Variants in NPTN observed in about 807,000 individuals in gnomAD.
NPTN encodes SDR-1.
In NPTN, 5 loss-of-function variants were observed where a neutral mutation model predicts 42.7. The ratio of observed to expected loss-of-function variants is 0.12; its 90% CI spans 0.06 to 0.25. NPTN has a LOEUF of 0.25. Among genes scored for constraint, NPTN ranks in the 10% least tolerant of loss-of-function variants. NPTN has a pLI of 1.00. For synonymous variants in NPTN, 180 were observed against 201.9 expected (o/e 0.89, Z 0.92); for missense variants, 307 against 525.4 (o/e 0.58, Z 4.06).
At chr15:73,594,100 A>G (rs1896722955) in intron 2 of NPTN, among the ~76,000 whole-genome samples, 1 of 152,266 alleles carries the variant, frequency 6.6e-6, no homozygotes, top group South Asian at 2.1e-4. Flanking sequence ...AATTAAAAAA[A>G]TATAAAGGCA....
intron 3 of NPTN, among the ~76,000 whole-genome samples, chr15:73,589,416 T>C (rs1896481901): frequency 6.6e-6 from 1 of 152,124 alleles, no homozygotes; most frequent in African/African-American, 2.4e-5. Context: ...CCAAACAAGC[T>C]TTCTTGCCCC....
intron 1 of NPTN, among the ~76,000 whole-genome samples, chr15:73,627,516 T>C (rs893491225): frequency 6.6e-6 from 1 of 152,184 alleles, no homozygotes; most frequent in African/African-American, 2.4e-5. Context: ...GAATATTAAA[T>C]GTCTCCCCTA....
chr15:73,567,726 A>G, intron 6 of NPTN: 1 of 985,472 alleles, frequency 1.0e-6, no homozygotes, highest in Non-Finnish European at 1.2e-6. Context: ...ACAGAGGAGA[A>G]AAACAGAATG....
intron 6 of NPTN, chr15:73,567,281 A>G: frequency 1.0e-6 from 1 of 985,386 alleles, no homozygotes; most frequent in Non-Finnish European, 1.2e-6. Flanking sequence ...TATCTTGATA[A>G]TAAAGTGCTA....
intron 4 of NPTN, among the ~76,000 whole-genome samples, chr15:73,585,986 G>A (rs556312266): frequency 1.4e-4 from 22 of 152,322 alleles, no homozygotes; most frequent in African/African-American, 5.1e-4. Flanking sequence ...TTCGTAAGCA[G>A]CCAAACAAAT....
chr15:73,601,479 TCAG>T (rs879581984), intron 1 of NPTN, among the ~76,000 whole-genome samples: 2 of 152,166 alleles, frequency 1.3e-5, no homozygotes, highest in Non-Finnish European at 2.9e-5. Flanking sequence ...GAACTGGCTC[TCAG>T]CAGCAGCAGC....
chr15:73,568,383 A>G (rs1175312419), intron 6 of NPTN: 2 of 985,300 alleles, frequency 2.0e-6, no homozygotes, highest in Non-Finnish European at 2.4e-6. Context: ...CAACCTTTCC[A>G]AAAGGCAGGC....
chr15:73,578,213 G>A (rs1039879137), intron 4 of NPTN, among the ~76,000 whole-genome samples: 4 of 152,188 alleles, frequency 2.6e-5, no homozygotes, highest in Non-Finnish European at 5.9e-5. Context: ...TGAGTCAGCC[G>A]GGAAGCCACT....
intron 1 of NPTN, among the ~76,000 whole-genome samples, chr15:73,619,678 T>C (rs889144058): frequency 6.6e-6 from 1 of 152,212 alleles, no homozygotes; most frequent in Non-Finnish European, 1.5e-5. Context: ...TCCTAAATGG[T>C]AAATAAGTTG....
intron 4 of NPTN, among the ~76,000 whole-genome samples, chr15:73,577,635 T>C (rs1352151721): frequency 6.6e-6 from 1 of 152,140 alleles, no homozygotes; most frequent in Non-Finnish European, 1.5e-5. Context: ...GAAATTATGG[T>C]TTAGGAGTCA....
intron 1 of NPTN, among the ~76,000 whole-genome samples, chr15:73,602,211 C>T (rs972655874): frequency 6.6e-6 from 1 of 152,092 alleles, no homozygotes; most frequent in East Asian, 1.9e-4. Flanking sequence ...CTAACTTTCT[C>T]TCTCCCTCAA....
At chr15:73,626,040 G>C (rs1898387091) in intron 1 of NPTN, among the ~76,000 whole-genome samples, 1 of 152,148 alleles carries the variant, frequency 6.6e-6, no homozygotes, top group South Asian at 2.1e-4. Flanking sequence ...CGACTATAAT[G>C]GACGGATTTC....
chr15:73,567,884 G>A (rs1895125186), intron 6 of NPTN: 9 of 985,334 alleles, frequency 9.1e-6, no homozygotes, highest in South Asian at 4.7e-5. Context: ...CGAAGTAAAC[G>A]CTGCTTTCAT....
At chr15:73,595,684 T>C (rs1333604812) in intron 2 of NPTN, among the ~76,000 whole-genome samples, 1 of 152,230 alleles carries the variant, frequency 6.6e-6, no homozygotes, top group Non-Finnish European at 1.5e-5. Context: ...TCTCTCATTG[T>C]GTCCTCAAAG....
chr15:73,580,438 T>TA (rs1410537768), intron 4 of NPTN, among the ~76,000 whole-genome samples: 1 of 81,160 alleles, frequency 1.2e-5, no homozygotes, highest in East Asian at 3.3e-4. Context: ...ATATAATATA[T>TA]ATAATATATA....
intron 6 of NPTN, chr15:73,566,992 A>G (rs1895053380): frequency 1.0e-6 from 1 of 962,364 alleles, no homozygotes; most frequent in Non-Finnish European, 1.2e-6. Flanking sequence ...TAAAGAAAAA[A>G]GACATGGGGC....
intron 2 of NPTN, 36 bp from the exon 3 acceptor site, chr15:73,592,173 C>A (rs748241423): frequency 6.3e-6 from 10 of 1,584,416 alleles, no homozygotes; most frequent in African/African-American, 1.3e-5. Flanking sequence ...GGGGCAATAG[C>A]CTTCCATCCT....
At chr15:73,598,263 T>C (rs1320936600) in intron 1 of NPTN, among the ~76,000 whole-genome samples, 1 of 152,072 alleles carries the variant, frequency 6.6e-6, no homozygotes, top group Non-Finnish European at 1.5e-5. Flanking sequence ...ACAGGCTCCA[T>C]ACAGTTGAAT....
At chr15:73,617,506 G>A (rs1247603895) in intron 1 of NPTN, among the ~76,000 whole-genome samples, 1 of 152,152 alleles carries the variant, frequency 6.6e-6, no homozygotes, top group Non-Finnish European at 1.5e-5. Flanking sequence ...AATTTGACCT[G>A]ATGAAAACTT....
Sources: gnomAD v4.1 joint callset for allele counts (sites outside exome capture counted in the v4.1 genomes callset) on GRCh38, gnomAD v4.1.1 for gene constraint, MANE v1.5 for transcripts, NCBI Gene and HGNC (gene_info 2026-07-23, HGNC 2026-07-21) for gene names.